CNTNAP2: variants seen among roughly 807,000 people sequenced by gnomAD.
The protein encoded by CNTNAP2 is contactin-associated protein-like 2.
CNTNAP2 carries 98 observed loss-of-function variants against 155.2 expected under a neutral mutation model. The observed-to-expected ratio is 0.63, with a 90% CI of 0.54 to 0.75. The LOEUF is 0.75. CNTNAP2 is among the 30% of genes least tolerant of loss of function. The pLI is 0.00. For synonymous variants in CNTNAP2, 651 were observed against 631.2 expected (o/e 1.03, Z -0.47); for missense variants, 1,727 against 1,688.1 (o/e 1.02, Z -0.40).
chr7:147,666,392 CAT>C (rs1285774620), intron 13 of CNTNAP2, among the ~76,000 whole-genome samples: 1 of 152,166 alleles, frequency 6.6e-6, no homozygotes, highest in Non-Finnish European at 1.5e-5. Flanking sequence ...CCACATTACT[CAT>C]GTGTGTGTGG....
At chr7:146,369,406 A>G (rs1045791408) in intron 1 of CNTNAP2, among the ~76,000 whole-genome samples, 1 of 152,180 alleles carries the variant, frequency 6.6e-6, no homozygotes, top group Non-Finnish European at 1.5e-5. Context: ...AAGTACATCT[A>G]TGGGATATGT....
At chr7:146,417,734 G>C (rs903942128) in intron 1 of CNTNAP2, among the ~76,000 whole-genome samples, 1 of 152,272 alleles carries the variant, frequency 6.6e-6, no homozygotes, top group African/African-American at 2.4e-5. Flanking sequence ...TCTGGAGTTT[G>C]AAAGTAGTTT....
intron 13 of CNTNAP2, among the ~76,000 whole-genome samples, chr7:147,725,297 G>T (rs1796624188): frequency 1.3e-5 from 2 of 152,066 alleles, no homozygotes; most frequent in South Asian, 4.2e-4. Flanking sequence ...TAAAATTCAA[G>T]CCAAAGAAGC....
chr7:146,618,337 A>G (rs1799261837), intron 1 of CNTNAP2, among the ~76,000 whole-genome samples: 1 of 152,192 alleles, frequency 6.6e-6, no homozygotes, highest in Non-Finnish European at 1.5e-5. Flanking sequence ...ACTACTCACC[A>G]GTTAAGTTGA....
At position 146,130,813 on chromosome 7, in the gene CNTNAP2, C is replaced by T. The variant is rs192943906; in HGVS notation, c.97+13840C>T. On this transcript the variant is annotated intron_variant, in intron 1 of 23. Coordinates refer to ENST00000361727, the MANE Select transcript of CNTNAP2 (RefSeq NM_014141.6). ...GCAGAAGGCAAAGGGGAAGCAAAGG[C>T]ACGTCTTACATGGTGGCAGATGAGA... 1.8e-3 allele frequency among the ~76,000 whole-genome samples: 267 copies of T among 152,264 alleles called. 6 individuals are homozygous for T. Among genetic ancestry groups the T allele is most frequent in the Non-Finnish European group, 1.1e-3 (73 of 68,032 alleles).
chr7:147,708,432 T>C (rs903979829), intron 13 of CNTNAP2, among the ~76,000 whole-genome samples: 1 of 152,124 alleles, frequency 6.6e-6, no homozygotes, highest in East Asian at 1.9e-4. Flanking sequence ...GCAGGTACCG[T>C]TGGACCTCCC....
At chr7:147,478,216 G>A (rs1798355856) in intron 10 of CNTNAP2, among the ~76,000 whole-genome samples, 1 of 151,858 alleles carries the variant, frequency 6.6e-6, no homozygotes, top group African/African-American at 2.4e-5. Context: ...TCAATGACAT[G>A]ATCTCGGCTC....
chr7:147,671,702 C>G (rs1021255188), intron 13 of CNTNAP2: 1 of 152,140 alleles, frequency 6.6e-6, no homozygotes, highest in Non-Finnish European at 1.5e-5. Flanking sequence ...TGTGGGGCTC[C>G]CAAGTACTCT....
intron 11 of CNTNAP2, among the ~76,000 whole-genome samples, chr7:147,508,529 T>C (rs1198386697): frequency 1.3e-5 from 2 of 152,192 alleles, no homozygotes; most frequent in Admixed American, 1.3e-4. Context: ...CCTTCACACA[T>C]CTGCAAAAGT....
At chr7:146,212,550 A>G (rs1203616379) in intron 1 of CNTNAP2, among the ~76,000 whole-genome samples, 1 of 152,186 alleles carries the variant, frequency 6.6e-6, no homozygotes, top group Non-Finnish European at 1.5e-5. Context: ...CAAATTGACC[A>G]GAGTATTTTG....
chr7:147,901,114 A>T (rs1799860896), intron 13 of CNTNAP2, among the ~76,000 whole-genome samples: 1 of 152,048 alleles, frequency 6.6e-6, no homozygotes, highest in Admixed American at 6.6e-5. Context: ...CCTAAATCCC[A>T]ACAGTCCCAG....
chr7:146,268,328 C>T (rs916914904), intron 1 of CNTNAP2, among the ~76,000 whole-genome samples: 1 of 152,192 alleles, frequency 6.6e-6, no homozygotes, highest in African/African-American at 2.4e-5. Flanking sequence ...GAAACCCTGA[C>T]CCTCCACGCA....
chr7:147,919,343 G>A (rs556705574), intron 14 of CNTNAP2, among the ~76,000 whole-genome samples: 6 of 151,750 alleles, frequency 4.0e-5, no homozygotes, highest in South Asian at 4.2e-4. Flanking sequence ...GTGCAGTGGC[G>A]CGATCACAAC....
At chr7:148,276,404 G>A (rs1180291197) in intron 21 of CNTNAP2, among the ~76,000 whole-genome samples, 7 of 152,204 alleles carry the variant, frequency 4.6e-5, no homozygotes, top group Non-Finnish European at 7.3e-5. Flanking sequence ...ACATGCCTCC[G>A]AGTGTCCCAA....
At chr7:146,820,881 G>A (rs917858605) in intron 2 of CNTNAP2, among the ~76,000 whole-genome samples, 11 of 152,212 alleles carry the variant, frequency 7.2e-5, no homozygotes, top group African/African-American at 2.4e-4. Flanking sequence ...AGAATAGTTA[G>A]CTCTTCTTGT....
At chr7:146,721,151 C>CTA (rs1165623647) in intron 1 of CNTNAP2, among the ~76,000 whole-genome samples, 7 of 129,556 alleles carry the variant, frequency 5.4e-5, no homozygotes, top group African/African-American at 5.8e-5. Context: ...TTTATATATT[C>CTA]TATATATATA....
intron 13 of CNTNAP2, among the ~76,000 whole-genome samples, chr7:147,739,539 G>C (rs534914034): frequency 6.6e-6 from 1 of 151,940 alleles, no homozygotes; most frequent in Non-Finnish European, 1.5e-5. Context: ...AATTTTCAGG[G>C]TTCTTATGGA....
At chr7:146,838,953 T>C (rs1183885529) in intron 2 of CNTNAP2, among the ~76,000 whole-genome samples, 1 of 152,184 alleles carries the variant, frequency 6.6e-6, no homozygotes, top group East Asian at 1.9e-4. Flanking sequence ...TGTACAACCC[T>C]AGTTATTTTA....
intron 1 of CNTNAP2, among the ~76,000 whole-genome samples, chr7:146,614,953 A>G (rs181832311): frequency 2.3e-3 from 358 of 152,346 alleles, no homozygotes; most frequent in African/African-American, 8.0e-3. Flanking sequence ...CTGCAAGAAT[A>G]CATATAATAA....
Sources: allele counts gnomAD v4.1 joint callset (sites outside exome capture counted in the v4.1 genomes callset), GRCh38; gene constraint gnomAD v4.1.1; transcripts MANE v1.5; gene names NCBI Gene and HGNC (gene_info 2026-07-23, HGNC 2026-07-21).